The following UBR7 variants were observed in gnomAD, a reference collection of about 807,000 sequenced individuals.
The protein encoded by UBR7 is putative E3 ubiquitin-protein ligase UBR7.
Under a neutral mutation model 57.0 loss-of-function variants are expected in UBR7, and 22 were observed. The observed-to-expected ratio is 0.39, with a 90% confidence interval of 0.28 to 0.55. The LOEUF is 0.55. Ranked by LOEUF, UBR7 falls within the 20% of genes least tolerant of loss-of-function variation. The probability of loss-of-function intolerance (pLI) is 0.69; values close to 1 mark genes in which losing one functional copy is unlikely to be tolerated. For missense variants in UBR7, 395 were observed against 513.2 expected (o/e 0.77, Z 2.23); for synonymous variants, 167 against 179.8 (o/e 0.93, Z 0.57).
rs747609229 is a variant in UBR7 at position 93,210,683 on chromosome 14, A to G, written c.320A>G (p.Lys107Arg). 7.7e-5 allele frequency: 124 copies of G among 1,609,762 alleles called. No individual in the cohort carries two copies. The highest frequency in any genetic ancestry group is 1.0e-4 in the Non-Finnish European group (122 of 1,177,422). Reference protein sequence around the residue: ...FRCDCGNSKFKNLECKLLPDK... With the variant: ...FRCDCGNSKFRNLECKLLPDK... ...TGTGATTGTGGAAACAGCAAGTTTA[A>G]AAATTTGGAATGCAAATTACTTCCT... Residue 107 changes from lysine to arginine, a missense_variant, in exon 3 of 11, where the codon AAA becomes AGA. Lys to Arg is a conservative substitution (Grantham distance 26). Coordinates refer to ENST00000013070, the MANE Select transcript of UBR7 (RefSeq NM_175748.4).
chr14:93,209,235 A>G (rs1894431259), intron 1 of UBR7, among the ~76,000 whole-genome samples: 1 of 152,224 alleles, frequency 6.6e-6, no homozygotes. Flanking sequence ...CTATACCTCT[A>G]AATACTTCAG....
rs924905864 is a variant in UBR7, at chr14:93,207,257, C to T, written c.-35C>T. On this transcript the variant is annotated 5_prime_UTR_variant, in exon 1 of 11. Coordinates refer to ENST00000013070, the MANE Select transcript of UBR7 (RefSeq NM_175748.4). ...CTCACGGCCGCTTTTCCCGCCTCCG[C>T]CGGGGCCGAGCCGCTGTTCGGCTGA... The T allele has an allele frequency of 1.5e-5, 24 of 1,549,258 alleles. No homozygotes were observed. The highest frequency in any genetic ancestry group is 2.1e-5 in the Non-Finnish European group (24 of 1,147,056).
chr14:93,209,025 T>C (rs1352050179), intron 1 of UBR7, among the ~76,000 whole-genome samples: 1 of 152,148 alleles, frequency 6.6e-6, no homozygotes, highest in African/African-American at 2.4e-5. Context: ...GTTGACCAGG[T>C]TGGTCTTGAA....
Position 93,209,819 on chromosome 14 carries a change from T to C in UBR7, c.151-5T>C. The C allele has an allele frequency of 6.2e-7, 1 of 1,613,642 alleles. No individual in the cohort carries two copies. Among genetic ancestry groups the C allele is most frequent in the Non-Finnish European group, 8.5e-7 (1 of 1,179,724 alleles). ...AATTCTCTTTTCCATTTTGGGGGCT[T>C]TCAGGGCTCAGTAAAGAGACAAGCA... On this transcript the variant is annotated splice_polypyrimidine_tract_variant and splice_region_variant and intron_variant, in intron 1 of 10. Transcript: ENST00000013070.
Position 93,229,063 on chromosome 14 carries a change from A to C in UBR7, c.*2028A>C, listed in dbSNP as rs1192402918. 2.5e-6 allele frequency: 1 copy of C among 403,828 alleles called. No homozygotes were observed. Among genetic ancestry groups the C allele is most frequent in the Non-Finnish European group, 4.9e-6 (1 of 202,894 alleles). The allele number at this position is 403,828 out of a possible 1,614,324, so 25.0% of individuals were successfully genotyped here. A position where few individuals can be genotyped will look rare whatever the true frequency, so the allele number is the denominator to read the frequency against. On this transcript the variant is annotated 3_prime_UTR_variant, in exon 11 of 11. Coordinates refer to ENST00000013070, the MANE Select transcript of UBR7 (RefSeq NM_175748.4). ...CTGATTTTGGCCAACATATTAATGC[A>C]TGTTTTATGCAAAACACAAATATGA...
At chr14:93,223,895 C>T (rs1894772689) in intron 10 of UBR7, 2 of 733,402 alleles carry the variant, frequency 2.7e-6, no homozygotes, top group Non-Finnish European at 2.5e-6. Flanking sequence ...ATAGCTCAGC[C>T]AGATGCCGAA....
intron 7 of UBR7, 112 bp downstream of exon 7, chr14:93,218,847 G>T: frequency 8.8e-7 from 1 of 1,141,678 alleles, no homozygotes; most frequent in Non-Finnish European, 1.3e-6. Context: ...CTGAGGTCAC[G>T]GGTTTGAGAC....
At position 93,219,230 on chromosome 14, in the gene UBR7, A is replaced by C; in HGVS notation, c.829A>C (p.Ser277Arg). The change falls in exon 8 of 11, where the codon AGC (serine) becomes CGC (arginine). Residue 277 changes from serine to arginine, a missense_variant. By Grantham distance (110) the Ser-to-Arg change is moderately radical. Coordinates refer to ENST00000013070, the MANE Select transcript of UBR7 (RefSeq NM_175748.4). ...SDLQTVFKNESLNAESKSGCK... is the reference protein window; with the variant it reads ...SDLQTVFKNERLNAESKSGCK... ...ATTTCAGACAGTGTTTAAGAATGAA[A>C]GCCTCAACGCAGAATCAAAATCTGG... 6.2e-7 allele frequency: 1 copy of C among 1,614,228 alleles called. No homozygotes were observed. The highest frequency in any genetic ancestry group is 2.2e-5 in the East Asian group (1 of 44,884).
chr14:93,218,489 A>G, intron 6 of UBR7, 38 bp from the exon 7 acceptor site: 2 of 1,532,966 alleles, frequency 1.3e-6, no homozygotes, highest in Non-Finnish European at 1.8e-6. Flanking sequence ...GTCAGTGGAT[A>G]TGTGTGTATG....
Position 93,227,138 on chromosome 14 carries a change from T to A in UBR7, c.*103T>A. ...ATTTGGCCCCCTTTCCGTCCTCCTC[T>A]GTTTGGAGAGGCCTCGCGCTCCCTT... On this transcript the variant is annotated 3_prime_UTR_variant, in exon 11 of 11. Transcript: ENST00000013070. 1.1e-6 allele frequency: 1 copy of A among 878,200 alleles called. No individual in the cohort carries two copies. 54.4% of individuals were successfully genotyped at this position (878,200 alleles called of 1,614,324 possible).
At chr14:93,221,455 A>G (rs1238005572) in intron 9 of UBR7, among the ~76,000 whole-genome samples, 1 of 145,832 alleles carries the variant, frequency 6.9e-6, no homozygotes, top group African/African-American at 2.6e-5. Flanking sequence ...GGGTTTCACC[A>G]TGTCACCCAG....
chr14:93,226,617 C>A lies in UBR7; in HGVS notation c.1186-326C>A, dbSNP rs564800117. On this transcript the variant is annotated intron_variant, in intron 10 of 10. Coordinates refer to ENST00000013070, the MANE Select transcript of UBR7 (RefSeq NM_175748.4). ...CATCCTGGCTAACACGGTGAAACCCCGTCTCTACTAAAAATACAAAAAAAA... is the reference window on the plus strand; with the variant it reads ...CATCCTGGCTAACACGGTGAAACCCAGTCTCTACTAAAAATACAAAAAAAA... Among the ~76,000 whole-genome samples the A allele has an allele frequency of 3.9e-5, 6 of 152,010 alleles. No homozygotes were observed. The South Asian group carries it at 1.0e-3, about 26-fold the overall frequency.
At position 93,227,079 on chromosome 14, in the gene UBR7, T is replaced by G; in HGVS notation, c.*44T>G. 3 of 1,423,210 alleles carry G rather than the reference T, an allele frequency of 2.1e-6. No homozygotes were observed. The highest frequency in any genetic ancestry group is 3.0e-6 in the Non-Finnish European group (3 of 1,012,372). 88.2% of individuals were successfully genotyped at this position (1,423,210 alleles called of 1,614,324 possible). On this transcript the variant is annotated 3_prime_UTR_variant, in exon 11 of 11. Coordinates refer to ENST00000013070, the MANE Select transcript of UBR7 (RefSeq NM_175748.4). ...CTCATTCAAGCCAATGAAAATGCGC[T>G]TCCCATTCTTGGAATAAAAGAGGTG...
In UBR7 at chr14:93,212,020, A is replaced by G. The variant is rs761747488; in HGVS notation, c.346-12A>G. The G allele has an allele frequency of 2.5e-6, 4 of 1,582,630 alleles. No homozygotes were observed. The highest frequency in any genetic ancestry group is 3.4e-5 in the Admixed American group (2 of 59,688). ...AGACCATATTATTATTGAAATCAAT[A>G]TTATATTTCAGGACAAAGCAAAGGT... On this transcript the variant is annotated splice_polypyrimidine_tract_variant and intron_variant, in intron 3 of 10. Coordinates refer to ENST00000013070, the MANE Select transcript of UBR7 (RefSeq NM_175748.4).
chr14:93,219,411 C>G (rs1595268633), intron 8 of UBR7, 50 bp downstream of exon 8: 1 of 1,610,094 alleles, frequency 6.2e-7, no homozygotes, highest in Non-Finnish European at 8.5e-7. Flanking sequence ...GTACTGGTGC[C>G]CCAAAATAAG....
chr14:93,214,334 C>T (rs919051247), intron 4 of UBR7, among the ~76,000 whole-genome samples: 2 of 152,152 alleles, frequency 1.3e-5, no homozygotes, highest in African/African-American at 4.8e-5. Flanking sequence ...AAGGACAGAA[C>T]AACATTGGGA....
At chr14:93,225,321 A>C (rs551017179) in intron 10 of UBR7, among the ~76,000 whole-genome samples, 97 of 150,908 alleles carry the variant, frequency 6.4e-4, no homozygotes, top group African/African-American at 2.2e-3. Context: ...AAACAAAAAC[A>C]AAAACCAAAA....
At chr14:93,208,733 C>T (rs973913621) in intron 1 of UBR7, among the ~76,000 whole-genome samples, 2 of 151,998 alleles carry the variant, frequency 1.3e-5, no homozygotes, top group African/African-American at 2.4e-5. Flanking sequence ...ACTGGCATCC[C>T]GGAAGCCTCC....
rs555630819 is a variant in UBR7 at position 93,219,419 on chromosome 14, A to C, written c.960+58A>C. ...GTTTTGTGTACTGGTGCCCCAAAAT[A>C]AGAACACCTGGGGAAAACATTCAAT... On this transcript the variant is annotated intron_variant, in intron 8 of 10. Transcript: ENST00000013070. 3.4e-5 allele frequency: 55 copies of C among 1,604,678 alleles called. 1 individual carries two copies. In the South Asian group the frequency reaches 5.7e-4, roughly 17 times the overall value.
Sources: gnomAD v4.1 joint callset for allele counts (sites outside exome capture counted in the v4.1 genomes callset) on GRCh38, gnomAD v4.1.1 for gene constraint, MANE v1.5 for transcripts, NCBI Gene and HGNC (gene_info 2026-07-23, HGNC 2026-07-21) for gene names.